The following XPNPEP3 variants were observed in gnomAD, a reference collection of about 807,000 sequenced individuals.
XPNPEP3 encodes X-prolyl aminopeptidase 3, also known as xaa-Pro aminopeptidase 3.
In XPNPEP3, 41 loss-of-function variants were observed where a neutral mutation model predicts 60.0. The observed-to-expected ratio is 0.68, with a 90% CI of 0.53 to 0.89. The LOEUF (loss-of-function observed/expected upper bound fraction) is 0.89. Among genes scored for constraint, XPNPEP3 ranks in the 40% least tolerant of loss-of-function variants. The pLI, the probability that XPNPEP3 is intolerant of heterozygous loss-of-function variation, is 0.00. For synonymous variants in XPNPEP3, 212 were observed against 223.2 expected (o/e 0.95, Z 0.45); for missense variants, 598 against 638.9 (o/e 0.94, Z 0.69).
Position 40,861,565 on chromosome 22 carries a change from A to G in XPNPEP3, c.64+4320A>G, listed in dbSNP as rs1409693574. 6 of 1,613,312 alleles carry G rather than the reference A, an allele frequency of 3.7e-6. No homozygotes were observed. The Admixed American group carries it at 8.4e-5, about 22-fold the overall frequency. On this transcript the variant is annotated intron_variant, in intron 1 of 9. Coordinates refer to ENST00000357137, the MANE Select transcript of XPNPEP3 (RefSeq NM_022098.4). Reference sequence around the variant, plus strand: ...GAAGAAAATTTCTCAAAAATTGGATATTCACTGGCAGTGGAGAAAAAGTAT... The same window carrying G: ...GAAGAAAATTTCTCAAAAATTGGATGTTCACTGGCAGTGGAGAAAAAGTAT...
chr22:40,870,924 G>T (rs573441888), intron 2 of XPNPEP3, among the ~76,000 whole-genome samples: 2 of 152,072 alleles, frequency 1.3e-5, no homozygotes, highest in Non-Finnish European at 2.9e-5. Context: ...AGCTACTGGG[G>T]AGGCTGAGGC....
chr22:40,921,479 T>C (rs756764849), intron 7 of XPNPEP3, among the ~76,000 whole-genome samples: 9 of 148,462 alleles, frequency 6.1e-5, no homozygotes, highest in Non-Finnish European at 1.3e-4. Context: ...TAGTGAGACC[T>C]TGTCTCTAAA....
chr22:40,861,047 T>A (rs9623257), intron 1 of XPNPEP3: 2 of 1,555,082 alleles, frequency 1.3e-6, no homozygotes, highest in Non-Finnish European at 8.7e-7. Context: ...TCAAATGTTA[T>A]ATATTTGAAG....
intron 4 of XPNPEP3, among the ~76,000 whole-genome samples, chr22:40,903,450 C>CA (rs1555890373): frequency 3.3e-5 from 5 of 151,900 alleles, no homozygotes; most frequent in Admixed American, 2.6e-4. Context: ...AATACTTAAA[C>CA]AAGTGTGATG....
At chr22:40,901,947 T>G (rs1569026794) in intron 4 of XPNPEP3, among the ~76,000 whole-genome samples, 1 of 152,140 alleles carries the variant, frequency 6.6e-6, no homozygotes, top group Admixed American at 6.6e-5. Flanking sequence ...TTGCAAAACA[T>G]TGTGAATGTA....
chr22:40,870,822 C>T (rs2058001569), intron 2 of XPNPEP3, among the ~76,000 whole-genome samples: 1 of 151,790 alleles, frequency 6.6e-6, no homozygotes, highest in East Asian at 1.9e-4. Context: ...AGTTTGAGAC[C>T]AGCCTAACCA....
intron 1 of XPNPEP3, among the ~76,000 whole-genome samples, chr22:40,868,764 T>C (rs1464634137): frequency 6.6e-6 from 1 of 151,926 alleles, no homozygotes; most frequent in Non-Finnish European, 1.5e-5. Context: ...GGAGAATCAC[T>C]TGAACCCAGG....
At chr22:40,870,990 C>T in intron 2 of XPNPEP3, among the ~76,000 whole-genome samples, 1 of 151,886 alleles carries the variant, frequency 6.6e-6, no homozygotes. Context: ...AATTGTGCCA[C>T]TGCACTCCAG....
chr22:40,887,134 C>T (rs1397071134), intron 4 of XPNPEP3, among the ~76,000 whole-genome samples: 1 of 152,078 alleles, frequency 6.6e-6, no homozygotes, highest in Non-Finnish European at 1.5e-5. Context: ...CAGTTTGGTT[C>T]TAAGAAAGAC....
At chr22:40,910,417 A>G (rs932060996) in intron 6 of XPNPEP3, among the ~76,000 whole-genome samples, 6 of 152,090 alleles carry the variant, frequency 3.9e-5, no homozygotes, top group African/African-American at 1.4e-4. Context: ...ACTCCTAAAT[A>G]TCATAGGCTG....
chr22:40,859,274 A>G (rs2057926586), intron 1 of XPNPEP3, among the ~76,000 whole-genome samples: 1 of 152,176 alleles, frequency 6.6e-6, no homozygotes, highest in Non-Finnish European at 1.5e-5. Flanking sequence ...AGGGCCTTGT[A>G]TATTATGTTA....
rs1486085948 is a variant in XPNPEP3, at chr22:40,926,497, G to A, written c.*62G>A. On this transcript the variant is annotated 3_prime_UTR_variant, in exon 10 of 10. Transcript: ENST00000357137. Reference sequence around the variant, plus strand: ...TGGGTGTCTTCTGGCAGCCCTGCACGTGTGCTTTCTGAGTGTCTCTGTGTG... The same window carrying A: ...TGGGTGTCTTCTGGCAGCCCTGCACATGTGCTTTCTGAGTGTCTCTGTGTG... The A allele has an allele frequency of 2.5e-5, 39 of 1,582,858 alleles. No individual in the cohort carries two copies. In the East Asian group the frequency reaches 6.5e-4, roughly 26 times the overall value.
At chr22:40,898,293 T>C (rs1442095489) in intron 4 of XPNPEP3, among the ~76,000 whole-genome samples, 8 of 105,646 alleles carry the variant, frequency 7.6e-5, no homozygotes, top group Non-Finnish European at 1.2e-4. Context: ...GTCGCCCAGG[T>C]CGGACTGCGG....
At chr22:40,884,140 G>A (rs1293203743) in intron 3 of XPNPEP3, among the ~76,000 whole-genome samples, 2 of 151,832 alleles carry the variant, frequency 1.3e-5, no homozygotes, top group African/African-American at 4.8e-5. Flanking sequence ...TAGATAATTA[G>A]CCTGTTCAAT....
At chr22:40,907,719 C>A in intron 5 of XPNPEP3, 70 bp downstream of exon 5, 1 of 1,472,332 alleles carries the variant, frequency 6.8e-7, no homozygotes, top group Non-Finnish European at 9.5e-7. Flanking sequence ...GCAGAAATGG[C>A]AGTGCAGTCT....
chr22:40,881,778 A>G lies in XPNPEP3; in HGVS notation c.190A>G (p.Thr64Ala), dbSNP rs1412268677. Reference protein sequence around the residue: ...HPHLLRPGEVTPGLSQVEYAL... With the variant: ...HPHLLRPGEVAPGLSQVEYAL... ...TTATTTGTCATTTCTAGGGGAGGTA[A>G]CTCCAGGACTATCTCAGGTGGAATA... Residue 64 changes from threonine to alanine, a missense_variant, in exon 3 of 10, where the codon ACT (threonine) becomes GCT (alanine). Transcript: ENST00000357137. 6.2e-7 allele frequency: 1 copy of G among 1,614,038 alleles called. No individual in the cohort carries two copies. Among genetic ancestry groups the G allele is most frequent in the Admixed American group, 1.7e-5 (1 of 59,982 alleles).
chr22:40,861,180 C>G, intron 1 of XPNPEP3: 1 of 1,614,050 alleles, frequency 6.2e-7, no homozygotes, highest in Middle Eastern at 1.7e-4. Context: ...GCTGGTAACC[C>G]AAGATATACC....
chr22:40,915,542 ACT>A (rs1400924999), intron 7 of XPNPEP3, among the ~76,000 whole-genome samples: 1 of 150,294 alleles, frequency 6.7e-6, no homozygotes, highest in Non-Finnish European at 1.5e-5. Flanking sequence ...ACAGAGTGAG[ACT>A]CTATCTGAAA....
chr22:40,857,252 CTCT>C lies in XPNPEP3; in HGVS notation c.64+11_64+13del, dbSNP rs755587553. The C allele has an allele frequency of 1.2e-6, 2 of 1,614,142 alleles. No homozygotes were observed. The highest frequency in any genetic ancestry group is 4.5e-5 in the East Asian group (2 of 44,872). On this transcript the variant is annotated splice_region_variant and intron_variant, in intron 1 of 9. Transcript: ENST00000357137. The stretch of plus-strand genomic sequence containing the variant: ...AACGTCCGCGGCCTCTCAGGTTAGA[CTCT>C]TCTCCCACGGTCTCCTCCCATGGTG...
Sources: gnomAD v4.1 joint callset for allele counts (sites outside exome capture counted in the v4.1 genomes callset) on GRCh38, gnomAD v4.1.1 for gene constraint, MANE v1.5 for transcripts, NCBI Gene and HGNC (gene_info 2026-07-23, HGNC 2026-07-21) for gene names.